Variants in APBA1 observed in about 807,000 individuals in gnomAD.
APBA1 encodes the protein amyloid-beta A4 precursor protein-binding family A member 1.
In APBA1, 55 loss-of-function variants were observed where a neutral mutation model predicts 86.6. The ratio of observed to expected loss-of-function variants is 0.64; its 90% CI spans 0.51 to 0.80. The LOEUF (loss-of-function observed/expected upper bound fraction) is 0.80. Ranked by LOEUF, APBA1 falls within the 30% of genes least tolerant of loss-of-function variation. APBA1 has a pLI of 0.00. For synonymous variants in APBA1, 511 were observed against 493.9 expected (o/e 1.03, Z -0.46); for missense variants, 1,090 against 1,183.0 (o/e 0.92, Z 1.15).
chr9:69,668,350 TG>T (rs1823881968), intron 1 of APBA1, among the ~76,000 whole-genome samples: 3 of 152,168 alleles, frequency 2.0e-5, no homozygotes, highest in Non-Finnish European at 2.9e-5. Flanking sequence ...AATGATCTTT[TG>T]GCCTCCCTTT....
chr9:69,587,986 A>G (rs952467362), intron 1 of APBA1, among the ~76,000 whole-genome samples: 11 of 147,194 alleles, frequency 7.5e-5, no homozygotes, highest in Non-Finnish European at 1.3e-4. Flanking sequence ...AGATTGTGCC[A>G]TCGTACTGCA....
At chr9:69,580,996 T>C (rs183074334) in intron 1 of APBA1, among the ~76,000 whole-genome samples, 67 of 152,270 alleles carry the variant, frequency 4.4e-4, no homozygotes, top group Middle Eastern at 6.8e-3. Flanking sequence ...TGATATCTTA[T>C]ATCATTTATA....
rs577011688 is a variant in APBA1 at position 69,447,998 on chromosome 9, T to C, written c.2181+1586A>G. Among the ~76,000 whole-genome samples, 3 of 152,266 alleles carry C rather than the reference T, an allele frequency of 2.0e-5. No homozygotes were observed. The South Asian group carries it at 6.2e-4, about 32-fold the overall frequency. On this transcript the variant is annotated intron_variant, in intron 10 of 12. Transcript: ENST00000265381. ...CACTGGCAGGAGCGACTTGTGGTCC[T>C]GCCTCCCTAGCCCCACCCCCCCGCT...
chr9:69,668,015 T>C (rs1823874551), intron 1 of APBA1, among the ~76,000 whole-genome samples: 1 of 152,160 alleles, frequency 6.6e-6, no homozygotes, highest in Non-Finnish European at 1.5e-5. Flanking sequence ...ACTTCCATCA[T>C]TTTTCTCCAA....
At chr9:69,619,835 C>G (rs1239410513) in intron 1 of APBA1, among the ~76,000 whole-genome samples, 1 of 152,214 alleles carries the variant, frequency 6.6e-6, no homozygotes, top group Non-Finnish European at 1.5e-5. Context: ...ACATATGTAA[C>G]AGAGATGCAC....
chr9:69,535,576 C>T (rs986064725), intron 1 of APBA1, among the ~76,000 whole-genome samples: 1 of 152,120 alleles, frequency 6.6e-6, no homozygotes, highest in Non-Finnish European at 1.5e-5. Context: ...TGATCGTTGC[C>T]TCCCTCTGCC....
chr9:69,495,034 G>A (rs1835773667), intron 2 of APBA1, among the ~76,000 whole-genome samples: 1 of 152,140 alleles, frequency 6.6e-6, no homozygotes, highest in African/African-American at 2.4e-5. Flanking sequence ...TTATTAGAAT[G>A]TGGAGAATCA....
At chr9:69,457,920 C>T (rs1355188659) in intron 6 of APBA1, among the ~76,000 whole-genome samples, 1 of 152,214 alleles carries the variant, frequency 6.6e-6, no homozygotes, top group East Asian at 1.9e-4. Flanking sequence ...CATTCAGCGT[C>T]TCCAATCTGC....
chr9:69,572,696 T>A (rs992847348), intron 1 of APBA1, among the ~76,000 whole-genome samples: 1 of 152,156 alleles, frequency 6.6e-6, no homozygotes, highest in Non-Finnish European at 1.5e-5. Context: ...CCACATTTTG[T>A]TTGCCTGTTT....
chr9:69,440,645 G>A (rs971488477), intron 11 of APBA1, among the ~76,000 whole-genome samples: 15 of 152,166 alleles, frequency 9.9e-5, no homozygotes, highest in Non-Finnish European at 2.2e-4. Flanking sequence ...TGCAGTATTA[G>A]GGTGGGAGTG....
intron 10 of APBA1, among the ~76,000 whole-genome samples, chr9:69,449,256 T>G (rs1343844982): frequency 6.6e-6 from 1 of 152,236 alleles, no homozygotes; most frequent in African/African-American, 2.4e-5. Flanking sequence ...ATTCCCAAGC[T>G]GAGGCCATTT....
intron 8 of APBA1, among the ~76,000 whole-genome samples, chr9:69,452,965 T>G (rs2133810595): frequency 6.6e-6 from 1 of 152,332 alleles, no homozygotes; most frequent in East Asian, 1.9e-4. Context: ...GGCCCTCAAT[T>G]TGAAATGTCA....
intron 8 of APBA1, among the ~76,000 whole-genome samples, chr9:69,453,061 AT>A (rs1264832824): frequency 1.3e-5 from 2 of 152,330 alleles, no homozygotes; most frequent in Admixed American, 6.5e-5. Flanking sequence ...TCACTATCTC[AT>A]TATGCCTTTC....
At chr9:69,475,981 A>G in intron 3 of APBA1, 67 bp downstream of exon 3, 1 of 1,286,788 alleles carries the variant, frequency 7.8e-7, no homozygotes, top group South Asian at 1.2e-5. Context: ...CTGTATTAGG[A>G]AGCACAGAAC....
chr9:69,440,258 C>A (rs1464575560), intron 11 of APBA1, among the ~76,000 whole-genome samples: 4 of 152,180 alleles, frequency 2.6e-5, no homozygotes, highest in African/African-American at 4.8e-5. Flanking sequence ...GCAGTCTGCC[C>A]ATTCTCAGAT....
Position 69,620,645 on chromosome 9 carries a change from C to A in APBA1, c.-70+51508G>T, listed in dbSNP as rs537243707. On this transcript the variant is annotated intron_variant, in intron 1 of 12. Coordinates refer to ENST00000265381, the MANE Select transcript of APBA1 (RefSeq NM_001163.4). ...TGAGCCGAGATCGTACCACTGCACT[C>A]CAGCCTGGGCGACAGAGCGAGACTC... Among the ~76,000 whole-genome samples, 5 of 152,228 alleles carry A rather than the reference C, an allele frequency of 3.3e-5. No individual in the cohort carries two copies. In the East Asian group the frequency reaches 9.7e-4, roughly 29 times the overall value.
At chr9:69,565,945 T>C (rs1391052230) in intron 1 of APBA1, among the ~76,000 whole-genome samples, 1 of 152,238 alleles carries the variant, frequency 6.6e-6, no homozygotes, top group East Asian at 1.9e-4. Flanking sequence ...GAGCAAGCCC[T>C]GACCGTGGCC....
At chr9:69,538,179 C>T (rs1029066) in intron 1 of APBA1, among the ~76,000 whole-genome samples, 123,888 of 152,260 alleles carry the variant, frequency 0.81, 50,516 homozygotes, top group East Asian at 0.91. Context: ...CATCTGGCCA[C>T]TTGCATGGGC....
intron 1 of APBA1, among the ~76,000 whole-genome samples, chr9:69,574,555 C>T (rs997525041): frequency 1.3e-5 from 2 of 152,070 alleles, no homozygotes; most frequent in Non-Finnish European, 2.9e-5. Flanking sequence ...AGAAAGAGAT[C>T]CTGTGAGGTT....
Sources: gnomAD v4.1 joint callset for allele counts (sites outside exome capture counted in the v4.1 genomes callset) on GRCh38, gnomAD v4.1.1 for gene constraint, MANE v1.5 for transcripts, NCBI Gene and HGNC (gene_info 2026-07-23, HGNC 2026-07-21) for gene names.